Variants in MECOM observed in about 807,000 individuals in gnomAD.
MECOM encodes the protein MDS1 and EVI1 complex locus.
In MECOM, 13 loss-of-function variants were observed where a neutral mutation model predicts 116.3. The ratio of observed to expected loss-of-function variants is 0.11; its 90% CI spans 0.07 to 0.18. The LOEUF (loss-of-function observed/expected upper bound fraction) is 0.18. Among genes scored for constraint, MECOM ranks in the 10% least tolerant of loss-of-function variants. The probability of loss-of-function intolerance (pLI) is 1.00; values close to 1 mark genes in which losing one functional copy is unlikely to be tolerated. For synonymous variants in MECOM, 528 were observed against 535.2 expected (o/e 0.99, Z 0.19); for missense variants, 1,299 against 1,509.0 (o/e 0.86, Z 2.31).
At chr3:169,347,672 A>G (rs999708088) in intron 2 of MECOM, among the ~76,000 whole-genome samples, 3 of 152,042 alleles carry the variant, frequency 2.0e-5, no homozygotes, top group Non-Finnish European at 4.4e-5. Context: ...TAACAAAAGC[A>G]TTCAATTACT....
At chr3:169,149,661 T>C (rs1316963345) in intron 2 of MECOM, 3 of 503,300 alleles carry the variant, frequency 6.0e-6, no homozygotes, top group Non-Finnish European at 1.2e-5. Flanking sequence ...CATGTAGACA[T>C]CAGCCTGAGA....
At chr3:169,529,134 A>G (rs1046049762) in intron 1 of MECOM, among the ~76,000 whole-genome samples, 1 of 152,172 alleles carries the variant, frequency 6.6e-6, no homozygotes, top group African/African-American at 2.4e-5. Flanking sequence ...CCCTGAATCC[A>G]GACACCACTT....
At chr3:169,573,662 G>A (rs1400901734) in intron 1 of MECOM, among the ~76,000 whole-genome samples, 4 of 152,146 alleles carry the variant, frequency 2.6e-5, no homozygotes, top group Non-Finnish European at 5.9e-5. Flanking sequence ...AAATCAAGCG[G>A]CATAATTTGG....
At chr3:169,649,506 T>C (rs574913243) in intron 1 of MECOM, among the ~76,000 whole-genome samples, 4 of 151,932 alleles carry the variant, frequency 2.6e-5, no homozygotes, top group South Asian at 4.2e-4. Flanking sequence ...TTTGTAGTCA[T>C]GGATATCTTT....
chr3:169,626,730 G>T (rs1304628559), intron 1 of MECOM, among the ~76,000 whole-genome samples: 1 of 152,090 alleles, frequency 6.6e-6, no homozygotes, highest in Non-Finnish European at 1.5e-5. Flanking sequence ...TCCTTTACTT[G>T]ATTATCTCAG....
intron 1 of MECOM, among the ~76,000 whole-genome samples, chr3:169,404,217 G>C (rs1736306830): frequency 6.6e-6 from 1 of 151,970 alleles, no homozygotes; most frequent in South Asian, 2.1e-4. Flanking sequence ...AAAATAGTTT[G>C]AAAAAAGTTG....
intron 5 of MECOM, among the ~76,000 whole-genome samples, chr3:169,127,619 ATAT>A (rs1362185797): frequency 6.6e-6 from 1 of 152,152 alleles, no homozygotes; most frequent in Non-Finnish European, 1.5e-5. Context: ...CTTAATAATA[ATAT>A]AACATTATTT....
chr3:169,112,804 A>T lies in MECOM; in HGVS notation c.2560T>A (p.Phe854Ile), dbSNP rs1727864850. The T allele has an allele frequency of 6.2e-7, 1 of 1,612,780 alleles. No homozygotes were observed. Among genetic ancestry groups the T allele is most frequent in the Non-Finnish European group, 8.5e-7 (1 of 1,179,288 alleles). ...KEKYLRPSPG[F>I]LFHPQFQLPD... ...ATACTTACTTGTGGGTGAAACAAGA[A>T]TCCTGGAGAAGGCCTCAAGTATTTC... The change falls in exon 9 of 17, where the codon TTC becomes ATC. Residue 854 changes from phenylalanine (F) to isoleucine (I), a missense_variant. This residue lies in a region of MECOM where 340 missense variants were observed against 312.6 expected (regional missense o/e 1.09). Coordinates refer to ENST00000651503, the MANE Select transcript of MECOM (RefSeq NM_004991.4).
intron 2 of MECOM, among the ~76,000 whole-genome samples, chr3:169,302,493 G>C (rs779551548): frequency 6.6e-6 from 1 of 152,130 alleles, no homozygotes; most frequent in Non-Finnish European, 1.5e-5. Context: ...TTATCGCCTG[G>C]TTAATATTGA....
intron 1 of MECOM, among the ~76,000 whole-genome samples, chr3:169,516,497 A>G (rs1403424646): frequency 2.0e-5 from 3 of 152,116 alleles, no homozygotes; most frequent in East Asian, 3.9e-4. Context: ...CAATAAAAGA[A>G]TGTTCTTTTT....
At chr3:169,094,761 GAA>G (rs1720956786) in intron 13 of MECOM, among the ~76,000 whole-genome samples, 1 of 152,216 alleles carries the variant, frequency 6.6e-6, no homozygotes, top group African/African-American at 2.4e-5. Flanking sequence ...GCCAACAGGT[GAA>G]AAGACTGTCC....
chr3:169,249,598 T>C (rs561812160), intron 2 of MECOM, among the ~76,000 whole-genome samples: 3 of 152,214 alleles, frequency 2.0e-5, no homozygotes, highest in Admixed American at 6.5e-5. Flanking sequence ...AATCTGTTTT[T>C]AAATAAAATT....
chr3:169,365,457 C>T (rs1457138165), intron 2 of MECOM, among the ~76,000 whole-genome samples: 2 of 152,008 alleles, frequency 1.3e-5, no homozygotes, highest in Admixed American at 6.6e-5. Context: ...CTATCCGATA[C>T]TCACATGTGA....
chr3:169,491,416 A>C (rs1416752257), intron 1 of MECOM, among the ~76,000 whole-genome samples: 1 of 152,206 alleles, frequency 6.6e-6, no homozygotes, highest in Non-Finnish European at 1.5e-5. Flanking sequence ...TTTAAGTATC[A>C]GTAATTAAAA....
chr3:169,568,301 G>T (rs1285272860), intron 1 of MECOM, among the ~76,000 whole-genome samples: 5 of 152,134 alleles, frequency 3.3e-5, no homozygotes, highest in Non-Finnish European at 7.3e-5. Context: ...AGCCATTTGG[G>T]CAGACACTGA....
At chr3:169,549,894 T>G (rs1259820172) in intron 1 of MECOM, among the ~76,000 whole-genome samples, 1 of 152,188 alleles carries the variant, frequency 6.6e-6, no homozygotes, top group Non-Finnish European at 1.5e-5. Flanking sequence ...AGCTTTGACC[T>G]TTAGAGAGCT....
At chr3:169,431,355 G>A (rs1052938817) in intron 1 of MECOM, among the ~76,000 whole-genome samples, 29 of 152,158 alleles carry the variant, frequency 1.9e-4, no homozygotes, top group African/African-American at 7.0e-4. Flanking sequence ...AAGAGGCTGC[G>A]ATACCTTGCA....
intron 2 of MECOM, among the ~76,000 whole-genome samples, chr3:169,176,410 C>T (rs1048205727): frequency 1.3e-5 from 2 of 151,982 alleles, no homozygotes; most frequent in Non-Finnish European, 1.5e-5. Context: ...AACTGGCTAG[C>T]CATATGAAGA....
chr3:169,584,941 G>T (rs1369326247), intron 1 of MECOM, among the ~76,000 whole-genome samples: 1 of 152,224 alleles, frequency 6.6e-6, no homozygotes, highest in East Asian at 1.9e-4. Flanking sequence ...TTCACTAGAA[G>T]TGTTCAAGAA....
Sources: allele counts gnomAD v4.1 joint callset (sites outside exome capture counted in the v4.1 genomes callset), GRCh38; gene constraint gnomAD v4.1.1; regional missense constraint gnomAD v4.1.1; transcripts MANE v1.5; gene names NCBI Gene and HGNC (gene_info 2026-07-23, HGNC 2026-07-21).